The following TMEM135 variants were observed in gnomAD, a reference collection of about 807,000 sequenced individuals.
The protein encoded by TMEM135 is transmembrane protein 135, also known as peroxisomal membrane protein 52.
TMEM135 carries 30 observed loss-of-function variants against 60.3 expected under a neutral mutation model. The observed-to-expected ratio is 0.50, with a 90% CI of 0.37 to 0.68. The LOEUF (loss-of-function observed/expected upper bound fraction) is 0.68. Among genes scored for constraint, TMEM135 ranks in the 30% least tolerant of loss-of-function variants. The pLI is 0.00. For synonymous variants in TMEM135, 190 were observed against 186.7 expected, an observed-to-expected ratio of 1.02 and a Z score of -0.14; for missense variants, 468 against 548.8, an observed-to-expected ratio of 0.85 and a Z score of 1.47.
At chr11:87,114,348 A>G (rs543924001) in intron 4 of TMEM135, among the ~76,000 whole-genome samples, 111 of 152,248 alleles carry the variant, frequency 7.3e-4, no homozygotes, top group South Asian at 3.1e-3. Flanking sequence ...TGTAGATATC[A>G]TTTGGAAACA....
chr11:87,246,517 A>G (rs1416089175), intron 6 of TMEM135, among the ~76,000 whole-genome samples: 3 of 152,328 alleles, frequency 2.0e-5, no homozygotes, highest in African/African-American at 7.2e-5. Flanking sequence ...GTGTTTTCAC[A>G]TAGTCCCATA....
chr11:87,053,376 T>C (rs574449199), intron 1 of TMEM135, among the ~76,000 whole-genome samples: 1 of 152,260 alleles, frequency 6.6e-6, no homozygotes, highest in Admixed American at 6.5e-5. Context: ...ACTTATGTTG[T>C]ATAAATCTAT....
chr11:87,211,781 A>G (rs1940375526), intron 5 of TMEM135, among the ~76,000 whole-genome samples: 1 of 152,110 alleles, frequency 6.6e-6, no homozygotes. Flanking sequence ...CGTCTCTACT[A>G]AAAATACAAA....
chr11:87,246,564 T>G (rs933234265), intron 6 of TMEM135, among the ~76,000 whole-genome samples: 3 of 152,136 alleles, frequency 2.0e-5, no homozygotes, highest in African/African-American at 7.2e-5. Context: ...TGTGTTCTTT[T>G]TTCTCTAAAC....
At chr11:87,201,364 G>A (rs1181921501) in intron 5 of TMEM135, among the ~76,000 whole-genome samples, 1 of 151,970 alleles carries the variant, frequency 6.6e-6, no homozygotes, top group Non-Finnish European at 1.5e-5. Context: ...TAAATAAGTG[G>A]GTTTTGGAAA....
At chr11:87,142,705 T>C (rs564814939) in intron 4 of TMEM135, among the ~76,000 whole-genome samples, 42 of 150,800 alleles carry the variant, frequency 2.8e-4, no homozygotes, top group African/African-American at 9.5e-4. Flanking sequence ...TCCTCCTCCT[T>C]CCTCCCTTCT....
chr11:87,108,512 AT>A (rs1038818799), intron 4 of TMEM135, among the ~76,000 whole-genome samples: 3 of 151,608 alleles, frequency 2.0e-5, no homozygotes, highest in East Asian at 1.9e-4. Context: ...AGTTTTGTTG[AT>A]TTTTTTATAG....
At chr11:87,165,663 C>A (rs1317099764) in intron 5 of TMEM135, among the ~76,000 whole-genome samples, 2 of 151,338 alleles carry the variant, frequency 1.3e-5, no homozygotes, top group Admixed American at 6.6e-5. Context: ...GTGAATCCAT[C>A]TGGTCCTGGA....
chr11:87,073,131 G>A (rs915468515), intron 3 of TMEM135, among the ~76,000 whole-genome samples: 1 of 152,122 alleles, frequency 6.6e-6, no homozygotes, highest in South Asian at 2.1e-4. Context: ...CTACTCCCTG[G>A]TTAAGCAATT....
intron 7 of TMEM135, among the ~76,000 whole-genome samples, chr11:87,296,563 T>G (rs955990127): frequency 1.3e-5 from 2 of 152,194 alleles, no homozygotes. Context: ...GTATGGTTTT[T>G]ACTGCAAATA....
chr11:87,222,205 A>AAAAAAAAG (rs869249816), intron 5 of TMEM135, among the ~76,000 whole-genome samples: 1 of 145,214 alleles, frequency 6.9e-6, no homozygotes, highest in African/African-American at 2.6e-5. Context: ...AAAAAAAAAA[A>AAAAAAAAG]TTATTGCTGG....
At chr11:87,184,839 C>T (rs957045356) in intron 5 of TMEM135, among the ~76,000 whole-genome samples, 7 of 152,098 alleles carry the variant, frequency 4.6e-5, no homozygotes, top group Admixed American at 2.6e-4. Flanking sequence ...TATTAACACA[C>T]GTTGGTTTAC....
chr11:87,129,749 C>T (rs991089761), intron 4 of TMEM135, among the ~76,000 whole-genome samples: 6 of 151,996 alleles, frequency 3.9e-5, no homozygotes, highest in Non-Finnish European at 8.8e-5. Context: ...CCATGTTAGC[C>T]ATGCCGGTCT....
intron 3 of TMEM135, among the ~76,000 whole-genome samples, chr11:87,089,404 G>A (rs541613111): frequency 2.2e-4 from 34 of 152,202 alleles, no homozygotes; most frequent in Non-Finnish European, 3.2e-4. Flanking sequence ...ATGGTAGTGT[G>A]CACCTACTGA....
chr11:87,289,756 A>C (rs1263452403), intron 6 of TMEM135, among the ~76,000 whole-genome samples: 3 of 152,010 alleles, frequency 2.0e-5, no homozygotes, highest in African/African-American at 7.2e-5. Flanking sequence ...GCGTGCAGCC[A>C]TCTCTTCATA....
chr11:87,173,500 G>A (rs527996614), intron 5 of TMEM135, among the ~76,000 whole-genome samples: 4 of 152,298 alleles, frequency 2.6e-5, no homozygotes, highest in Admixed American at 2.6e-4. Context: ...GACCTTGCCA[G>A]TGTTGTCTTC....
chr11:87,191,337 T>C (rs548947155), intron 5 of TMEM135, among the ~76,000 whole-genome samples: 1 of 151,972 alleles, frequency 6.6e-6, no homozygotes, highest in African/African-American at 2.4e-5. Context: ...GCCTCCTGGG[T>C]TCACACCATT....
intron 1 of TMEM135, among the ~76,000 whole-genome samples, chr11:87,040,315 C>A (rs1051790968): frequency 6.6e-6 from 1 of 151,954 alleles, no homozygotes; most frequent in Non-Finnish European, 1.5e-5. Context: ...TAAATGTATA[C>A]CCCCATGTAC....
chr11:87,185,975 T>C (rs1026711319), intron 5 of TMEM135, among the ~76,000 whole-genome samples: 1 of 151,080 alleles, frequency 6.6e-6, no homozygotes, highest in African/African-American at 2.4e-5. Context: ...GGCGTGATCT[T>C]GGCTCACTGC....
Sources: gnomAD v4.1 joint callset for allele counts (sites outside exome capture counted in the v4.1 genomes callset) on GRCh38, gnomAD v4.1.1 for gene constraint, MANE v1.5 for transcripts, NCBI Gene and HGNC (gene_info 2026-07-23, HGNC 2026-07-21) for gene names.